CACNA2D3: variants seen among roughly 807,000 people sequenced by gnomAD.
CACNA2D3 encodes voltage-dependent calcium channel subunit alpha-2/delta-3.
A neutral mutation model predicts 160.6 loss-of-function variants in CACNA2D3; 60 were observed. The observed-to-expected ratio is 0.37, with a 90% confidence interval of 0.30 to 0.46. The LOEUF is 0.46. Ranked by LOEUF, CACNA2D3 falls within the 20% of genes least tolerant of loss-of-function variation. The probability of loss-of-function intolerance (pLI) is 1.00; values close to 1 mark genes in which losing one functional copy is unlikely to be tolerated. For missense variants in CACNA2D3, 1,205 were observed against 1,365.0 expected (o/e 0.88, Z 1.85); for synonymous variants, 558 against 492.9 (o/e 1.13, Z -1.75).
intron 4 of CACNA2D3, among the ~76,000 whole-genome samples, chr3:54,457,617 C>T (rs1370691309): frequency 2.0e-5 from 3 of 151,782 alleles, no homozygotes; most frequent in Admixed American, 1.3e-4. Flanking sequence ...TATTGATTTT[C>T]TGTATAGATG....
At chr3:54,275,682 A>G (rs1702724299) in intron 2 of CACNA2D3, among the ~76,000 whole-genome samples, 1 of 152,112 alleles carries the variant, frequency 6.6e-6, no homozygotes, top group Non-Finnish European at 1.5e-5. Context: ...CAGTGGCATG[A>G]TCTCAGCTCA....
intron 4 of CACNA2D3, among the ~76,000 whole-genome samples, chr3:54,485,030 A>G (rs1041656460): frequency 2.0e-5 from 3 of 152,080 alleles, no homozygotes; most frequent in Admixed American, 6.5e-5. Context: ...TAATTTTAGT[A>G]GAGACGGGGT....
At chr3:54,934,309 G>GCTC (rs1326430509) in intron 27 of CACNA2D3, among the ~76,000 whole-genome samples, 1 of 152,168 alleles carries the variant, frequency 6.6e-6, no homozygotes, top group African/African-American at 2.4e-5. Flanking sequence ...GACTCAGGAG[G>GCTC]TGAGAACATA....
intron 2 of CACNA2D3, among the ~76,000 whole-genome samples, chr3:54,183,912 A>G: frequency 6.6e-6 from 1 of 151,156 alleles, no homozygotes; most frequent in South Asian, 2.1e-4. Context: ...AAAAAAAAAA[A>G]AAAAAAAAGA....
chr3:54,288,688 A>T (rs920019355), intron 2 of CACNA2D3, among the ~76,000 whole-genome samples: 2 of 152,188 alleles, frequency 1.3e-5, no homozygotes, highest in Non-Finnish European at 2.9e-5. Flanking sequence ...ATACTGGCAA[A>T]CTGAATCCAG....
At chr3:54,866,966 A>AT (rs1284954861) in intron 17 of CACNA2D3, among the ~76,000 whole-genome samples, 1 of 152,120 alleles carries the variant, frequency 6.6e-6, no homozygotes, top group Non-Finnish European at 1.5e-5. Flanking sequence ...TCCCCCACAG[A>AT]TTTTTTTCGT....
intron 9 of CACNA2D3, among the ~76,000 whole-genome samples, chr3:54,589,769 T>C (rs577487585): frequency 6.6e-5 from 10 of 152,260 alleles, no homozygotes; most frequent in Non-Finnish European, 1.3e-4. Flanking sequence ...CTGAAGAGGA[T>C]ATACAGATGG....
chr3:54,913,729 C>T lies in CACNA2D3; in HGVS notation c.2449+13861C>T, dbSNP rs557613107. On this transcript the variant is annotated intron_variant, in intron 27 of 37. Transcript: ENST00000474759. ...GAAAGGATCCTAACTCTGACTTCTTCGAACCTGTCAGGTCCTGAAAAGTGC... is the reference window on the plus strand; with the variant it reads ...GAAAGGATCCTAACTCTGACTTCTTTGAACCTGTCAGGTCCTGAAAAGTGC... Among the ~76,000 whole-genome samples, 8 of 152,206 alleles carry T rather than the reference C, an allele frequency of 5.3e-5. No individual in the cohort carries two copies. The South Asian group carries it at 1.0e-3, about 20-fold the overall frequency.
chr3:54,771,781 C>T (rs916074334), intron 13 of CACNA2D3, among the ~76,000 whole-genome samples: 4 of 151,922 alleles, frequency 2.6e-5, no homozygotes, highest in African/African-American at 9.7e-5. Flanking sequence ...ATCCCATCAG[C>T]TTACACTCAA....
At chr3:54,914,611 AAAG>A (rs1700623040) in intron 27 of CACNA2D3, among the ~76,000 whole-genome samples, 1 of 152,196 alleles carries the variant, frequency 6.6e-6, no homozygotes, top group Non-Finnish European at 1.5e-5. Flanking sequence ...TTAAAATAAA[AAAG>A]AATCTGAAAG....
intron 4 of CACNA2D3, among the ~76,000 whole-genome samples, chr3:54,426,256 T>C (rs1699910704): frequency 6.6e-6 from 1 of 152,200 alleles, no homozygotes; most frequent in Non-Finnish European, 1.5e-5. Context: ...CACCAAACAC[T>C]AATTTGAAAT....
At chr3:54,285,794 G>C (rs6445638) in intron 2 of CACNA2D3, among the ~76,000 whole-genome samples, 76,269 of 152,042 alleles carry the variant, frequency 0.5, 19,464 homozygotes, top group East Asian at 0.71. Context: ...TCTGCAGCCA[G>C]CGCTGCTGAT....
chr3:54,465,802 A>G (rs56202159), intron 4 of CACNA2D3, among the ~76,000 whole-genome samples: 9,732 of 152,290 alleles, frequency 0.064, 618 homozygotes, highest in African/African-American at 0.16. Context: ...TCCCAATTCT[A>G]TAAGTCAGAA....
intron 5 of CACNA2D3, 76 bp downstream of exon 5, chr3:54,503,730 G>C: frequency 1.5e-6 from 2 of 1,379,242 alleles, no homozygotes; most frequent in South Asian, 2.5e-5. Flanking sequence ...GCTGGTTTGG[G>C]ATATAGTTTT....
At chr3:54,490,414 C>T (rs1446853282) in intron 4 of CACNA2D3, among the ~76,000 whole-genome samples, 1 of 152,224 alleles carries the variant, frequency 6.6e-6, no homozygotes, top group Non-Finnish European at 1.5e-5. Context: ...GGGTTGAATC[C>T]AGGCAGAGGA....
intron 13 of CACNA2D3, among the ~76,000 whole-genome samples, chr3:54,779,065 CGTTATGATGTTACTTTTGCCCACT>C (rs1702482235): frequency 6.6e-6 from 1 of 151,780 alleles, no homozygotes; most frequent in Non-Finnish European, 1.5e-5. Flanking sequence ...TTTTGCCCAC[CGTTATGATGTTACTTTTGCCCACT>C]GTTACAACAG....
At position 55,073,478 on chromosome 3, in the gene CACNA2D3, C is replaced by T; in HGVS notation, c.3021C>T (p.Asn1007=). The change falls in exon 36 of 38, where the codon AAC becomes AAT. Residue 1007 remains asparagine (N), a synonymous_variant. Coordinates refer to ENST00000474759, the MANE Select transcript of CACNA2D3 (RefSeq NM_018398.3). The part of the protein sequence containing the change: ...SFVIQQIPSS[N]LFMVVVDSSC... ...TCATCCAGCAAATCCCAAGCAGCAA[C>T]CTGTTCATGGTGGTGGTGGACAGCA... 2 of 1,613,914 alleles carry T rather than the reference C, an allele frequency of 1.2e-6. No individual in the cohort carries two copies. The highest frequency in any genetic ancestry group is 1.7e-6 in the Non-Finnish European group (2 of 1,179,866).
At chr3:54,260,910 A>G (rs773218964) in intron 2 of CACNA2D3, among the ~76,000 whole-genome samples, 23 of 152,294 alleles carry the variant, frequency 1.5e-4, no homozygotes, top group Non-Finnish European at 2.9e-4. Context: ...GTAACTCTGT[A>G]TCATGTGACT....
intron 6 of CACNA2D3, among the ~76,000 whole-genome samples, chr3:54,566,289 C>T (rs1195907053): frequency 2.0e-5 from 3 of 152,190 alleles, no homozygotes; most frequent in Non-Finnish European, 4.4e-5. Context: ...CTGGGCATGC[C>T]CATCTGTTGG....
Sources: gnomAD v4.1 joint callset for allele counts (sites outside exome capture counted in the v4.1 genomes callset) on GRCh38, gnomAD v4.1.1 for gene constraint, MANE v1.5 for transcripts, NCBI Gene and HGNC (gene_info 2026-07-23, HGNC 2026-07-21) for gene names.